The following KCTD5 variants were observed in gnomAD, a reference collection of about 807,000 sequenced individuals.
KCTD5 encodes BTB/POZ domain-containing protein KCTD5.
KCTD5 carries 12 observed loss-of-function variants against 27.9 expected under a neutral mutation model. The observed-to-expected ratio is 0.43, with a 90% CI of 0.28 to 0.70. The LOEUF is 0.70. KCTD5 is among the 30% of genes least tolerant of loss of function. The pLI is 0.19. For synonymous variants in KCTD5, 147 were observed against 121.4 expected (o/e 1.21, Z -1.39); for missense variants, 226 against 274.8 (o/e 0.82, Z 1.26).
At chr16:2,682,904 C>T in intron 1 of KCTD5, 104 bp downstream of exon 1, 1 of 1,368,834 alleles carries the variant, frequency 7.3e-7, no homozygotes, top group Admixed American at 3.2e-5. Flanking sequence ...GAGCGGGCGA[C>T]TCTCCTCGGG....
chr16:2,682,616 G>T lies in KCTD5; in HGVS notation c.68G>T (p.Gly23Val). ...RGGIGAGLGG[G>V]LCRRCSAGLG... ...GGCATCGGGGCGGGGCTGGGGGGCG[G>T]CCTGTGCCGCCGCTGCAGCGCTGGG... The change falls in exon 1 of 6, where the codon GGC (glycine) becomes GTC (valine). Residue 23 changes from glycine to valine, a missense_variant. Gly to Val is a moderately radical substitution (Grantham distance 109). Coordinates refer to ENST00000301738, the MANE Select transcript of KCTD5 (RefSeq NM_018992.4). The T allele has an allele frequency of 6.5e-7, 1 of 1,544,846 alleles. No individual in the cohort carries two copies. Among genetic ancestry groups the T allele is most frequent in the Non-Finnish European group, 8.7e-7 (1 of 1,150,686 alleles).
Position 2,707,449 on chromosome 16 carries a change from G to T in KCTD5, c.*122G>T. ...TTTTGATCATTTTTCTAGAGATCTG[G>T]GTGTGAATCCTTTTTTGCCTCTGAG... On this transcript the variant is annotated 3_prime_UTR_variant, in exon 6 of 6. Coordinates refer to ENST00000301738, the MANE Select transcript of KCTD5 (RefSeq NM_018992.4). The T allele has an allele frequency of 9.5e-7, 1 of 1,049,668 alleles. No homozygotes were observed. Among genetic ancestry groups the T allele is most frequent in the Non-Finnish European group, 1.5e-6 (1 of 674,014 alleles). 65.0% of individuals were successfully genotyped at this position (1,049,668 alleles called of 1,614,324 possible). A position where few individuals can be genotyped will look rare whatever the true frequency, so the allele number is the denominator to read the frequency against.
chr16:2,691,652 C>T (rs2067567258), intron 1 of KCTD5, among the ~76,000 whole-genome samples: 1 of 152,154 alleles, frequency 6.6e-6, no homozygotes, highest in Admixed American at 6.5e-5. Context: ...AGCCCACTGT[C>T]CTGGAGGCAC....
intron 1 of KCTD5, among the ~76,000 whole-genome samples, chr16:2,687,550 C>T (rs2067545222): frequency 6.6e-6 from 1 of 152,216 alleles, no homozygotes; most frequent in Non-Finnish European, 1.5e-5. Context: ...TGCAGAGATG[C>T]CCATTTGCTT....
chr16:2,693,938 T>G (rs111996924), intron 1 of KCTD5, among the ~76,000 whole-genome samples: 71,280 of 137,332 alleles, frequency 0.52, 17,426 homozygotes, highest in Middle Eastern at 0.57. Flanking sequence ...GACAAAGGGG[T>G]TCTCTGGGGT....
At chr16:2,699,143 G>C (rs1256034153) in intron 3 of KCTD5, 1 of 456,110 alleles carries the variant, frequency 2.2e-6, no homozygotes, top group South Asian at 1.5e-5. Flanking sequence ...TCTCACTGCT[G>C]CGTTTCCGTC....
chr16:2,693,299 G>C (rs997488192), intron 1 of KCTD5, among the ~76,000 whole-genome samples: 1 of 152,224 alleles, frequency 6.6e-6, no homozygotes, highest in Non-Finnish European at 1.5e-5. Context: ...CAGGTATCAC[G>C]TGATGGCAGC....
At chr16:2,701,998 C>G (rs2067614016) in intron 4 of KCTD5, among the ~76,000 whole-genome samples, 1 of 152,196 alleles carries the variant, frequency 6.6e-6, no homozygotes, top group Non-Finnish European at 1.5e-5. Context: ...TCCAGGTTTT[C>G]AGAGCCGCCC....
chr16:2,698,880 C>T (rs78381263), intron 3 of KCTD5, among the ~76,000 whole-genome samples: 4,964 of 152,264 alleles, frequency 0.033, 258 homozygotes, highest in African/African-American at 0.11. Context: ...TGCTTTTTTC[C>T]CTGTTGTGTG....
chr16:2,691,481 G>A (rs1235927900), intron 1 of KCTD5, among the ~76,000 whole-genome samples: 1 of 152,214 alleles, frequency 6.6e-6, no homozygotes, highest in Non-Finnish European at 1.5e-5. Flanking sequence ...GGCCACGCAG[G>A]GCTCTGCAGT....
Position 2,697,976 on chromosome 16 carries a change from A to T in KCTD5, c.432A>T (p.Glu144Asp), listed in dbSNP as rs1309156995. Residue 144 changes from glutamate (E) to aspartate (D), a missense_variant, in exon 3 of 6, where the codon GAA becomes GAT. Physicochemically the swap from Glu to Asp is conservative, Grantham distance 45. Coordinates refer to ENST00000301738, the MANE Select transcript of KCTD5 (RefSeq NM_018992.4). ...AACTTGTAAAGGACAAAATTAGAGA[A>T]CGAGACAGCAAAACATCGCAGGTGA... Reference protein sequence around the residue: ...LIKLVKDKIRERDSKTSQVPV... With the variant: ...LIKLVKDKIRDRDSKTSQVPV... 1.9e-6 allele frequency: 3 copies of T among 1,611,580 alleles called. No individual in the cohort carries two copies. Among genetic ancestry groups the T allele is most frequent in the Admixed American group, 1.7e-5 (1 of 59,998 alleles).
At chr16:2,687,899 G>A (rs556437710) in intron 1 of KCTD5, among the ~76,000 whole-genome samples, 5 of 152,180 alleles carry the variant, frequency 3.3e-5, no homozygotes, top group South Asian at 2.1e-4. Flanking sequence ...GCGTCAACTC[G>A]GCAGTTCTCC....
At chr16:2,701,427 A>C (rs1298533541) in intron 4 of KCTD5, among the ~76,000 whole-genome samples, 5 of 152,290 alleles carry the variant, frequency 3.3e-5, no homozygotes, top group East Asian at 1.9e-4. Context: ...GATTGCAAGC[A>C]GGGCTTGGAA....
Position 2,707,701 on chromosome 16 carries a change from C to A in KCTD5, c.*374C>A. On this transcript the variant is annotated 3_prime_UTR_variant, in exon 6 of 6. Transcript: ENST00000301738. ...GTCTGGAAAAGCAGCCTGGGCTTCA[C>A]TGGCAGGAAGCGGCCGCAGCCGCGT... 1 of 518,398 alleles carries A rather than the reference C, an allele frequency of 1.9e-6. No individual in the cohort carries two copies. Among genetic ancestry groups the A allele is most frequent in the East Asian group, 3.1e-5 (1 of 32,578 alleles). 32.1% of individuals were successfully genotyped at this position (518,398 alleles called of 1,614,324 possible). A position where few individuals can be genotyped will look rare whatever the true frequency, so the allele number is the denominator to read the frequency against.
At position 2,707,545 on chromosome 16, in the gene KCTD5, G is replaced by A; in HGVS notation, c.*218G>A. 1.5e-6 allele frequency: 1 copy of A among 659,874 alleles called. No individual in the cohort carries two copies. The highest frequency in any genetic ancestry group is 2.7e-6 in the Non-Finnish European group (1 of 364,656). The allele number at this position is 659,874 out of a possible 1,614,324, so 40.9% of individuals were successfully genotyped here. ...CAAGTTGGGGGAGCACGGCGGCCGG[G>A]TGGGCGCTGCCTCTTGGGGGGGCCT... On this transcript the variant is annotated 3_prime_UTR_variant, in exon 6 of 6. Transcript: ENST00000301738.
At chr16:2,698,069 C>A in intron 3 of KCTD5, 72 bp downstream of exon 3, 1 of 1,079,858 alleles carries the variant, frequency 9.3e-7, no homozygotes, top group South Asian at 1.3e-5. Flanking sequence ...ACTCCCCCGA[C>A]CGGCTGCCTC....
intron 1 of KCTD5, among the ~76,000 whole-genome samples, chr16:2,689,509 C>G (rs2067555644): frequency 7.6e-6 from 1 of 131,744 alleles, no homozygotes; most frequent in Admixed American, 7.9e-5. Context: ...TCGTTCCCCT[C>G]TGGTGGCACG....
Position 2,702,376 on chromosome 16 carries a change from C to A in KCTD5, c.573C>A (p.Tyr191Ter). Reference sequence around the variant, plus strand: ...AGTTGGTCAGCATCGGCTCCTCTTACAACTATGGGAACGAAGACCAAGCCG... The same window carrying A: ...AGTTGGTCAGCATCGGCTCCTCTTAAAACTATGGGAACGAAGACCAAGCCG... ...FEQLVSIGSS[Y>*]NYGNEDQAEF... Residue 191 changes from tyrosine (Y) to a stop codon, truncating the protein, a stop_gained, in exon 5 of 6, where the codon TAC (tyrosine) becomes TAA (stop). Coordinates refer to ENST00000301738, the MANE Select transcript of KCTD5 (RefSeq NM_018992.4). LOFTEE classifies it high-confidence loss of function. 6.2e-7 allele frequency: 1 copy of A among 1,613,522 alleles called. No homozygotes were observed. Among genetic ancestry groups the A allele is most frequent in the Non-Finnish European group, 8.5e-7 (1 of 1,179,976 alleles).
At chr16:2,701,045 C>T (rs917158597) in intron 4 of KCTD5, among the ~76,000 whole-genome samples, 10 of 152,148 alleles carry the variant, frequency 6.6e-5, no homozygotes, top group East Asian at 1.9e-4. Flanking sequence ...CCTGGGAAGC[C>T]GTGTCAGCAG....
Sources: gnomAD v4.1 joint callset for allele counts (sites outside exome capture counted in the v4.1 genomes callset) on GRCh38, gnomAD v4.1.1 for gene constraint, MANE v1.5 for transcripts, NCBI Gene and HGNC (gene_info 2026-07-23, HGNC 2026-07-21) for gene names.